The following FANCG variants were observed in gnomAD, a reference collection of about 807,000 sequenced individuals.
FANCG encodes the protein FA complementation group G, also known as Fanconi anemia group G protein.
FANCG carries 67 observed loss-of-function variants against 73.3 expected under a neutral mutation model. The observed-to-expected ratio is 0.91, with a 90% CI of 0.75 to 1.12. FANCG has a LOEUF of 1.12. Among genes scored for constraint, FANCG ranks in the 50% most tolerant of loss-of-function variants. The pLI is 0.00. For synonymous variants in FANCG, 297 were observed against 311.6 expected (o/e 0.95, Z 0.49); for missense variants, 643 against 735.6 (o/e 0.87, Z 1.46).
Position 35,076,481 on chromosome 9 carries a change from G to C in FANCG, c.1027C>G (p.Gln343Glu), listed in dbSNP as rs1829085768. ...GCTAGTATGTGCTTGGTCTGGCTCT[G>C]AGTGCCACAATGAAGGGGTGAGGCT... ...DLASPLHCGT[Q>E]SQTKHILASR... The change falls in exon 8 of 14, where the codon CAG becomes GAG. Residue 343 changes from glutamine to glutamate, a missense_variant. Coordinates refer to ENST00000378643, the MANE Select transcript of FANCG (RefSeq NM_004629.2). 2 of 1,614,182 alleles carry C rather than the reference G, an allele frequency of 1.2e-6. No homozygotes were observed. Among genetic ancestry groups the C allele is most frequent in the Non-Finnish European group, 1.7e-6 (2 of 1,180,028 alleles).
Position 35,078,608 on chromosome 9 carries a change from TCTCTAGGCTCCG to T in FANCG, c.292_303del (p.Ser99_Arg102del). On this transcript the variant is annotated inframe_deletion, in exon 3 of 14. Transcript: ENST00000378643. The stretch of plus-strand genomic sequence containing the variant: ...AGGGACAATCTCTGGCCCTCACCTC[TCTCTAGGCTCCG>T]CTGGATATCCTGGGCCTGATCCTCT... 6.2e-7 allele frequency: 1 copy of T among 1,614,086 alleles called. No homozygotes were observed. Among genetic ancestry groups the T allele is most frequent in the Non-Finnish European group, 8.5e-7 (1 of 1,180,028 alleles).
chr9:35,077,134 G>A (rs2131056779), intron 5 of FANCG, 33 bp from the exon 6 acceptor site: 1 of 1,614,182 alleles, frequency 6.2e-7, no homozygotes, highest in Non-Finnish European at 8.5e-7. Flanking sequence ...CTTGGAGAGG[G>A]CTATAGAGCA....
Position 35,079,657 on chromosome 9 carries a change from G to T in FANCG, c.-133C>A. On this transcript the variant is annotated 5_prime_UTR_variant, in exon 1 of 14. Coordinates refer to ENST00000378643, the MANE Select transcript of FANCG (RefSeq NM_004629.2). ...CGCCGAGCTCCCCTGCTTCTCTCGGGGTCCCAATCCACCCGCCCAGGCTTT... is the reference window on the plus strand; with the variant it reads ...CGCCGAGCTCCCCTGCTTCTCTCGGTGTCCCAATCCACCCGCCCAGGCTTT... The T allele has an allele frequency of 2.3e-6, 2 of 870,788 alleles. No individual in the cohort carries two copies. The highest frequency in any genetic ancestry group is 3.8e-6 in the Non-Finnish European group (2 of 532,652). The allele number at this position is 870,788 out of a possible 1,614,324, so 53.9% of individuals were successfully genotyped here.
intron 6 of FANCG, 21 bp from the exon 7 acceptor site, chr9:35,076,891 G>A (rs757538188): frequency 1.5e-5 from 24 of 1,614,044 alleles, no homozygotes; most frequent in African/African-American, 8.0e-5. Context: ...AGGAGGACAC[G>A]GGCCTCAGCT....
Position 35,077,140 on chromosome 9 carries a change from G to A in FANCG, c.647-39C>T, listed in dbSNP as rs1324557549. ...GGGTGTGAGCTTGGAGAGGGCTATA[G>A]AGCAGGGGTCATGATGGGGAACAAG... On this transcript the variant is annotated intron_variant, in intron 5 of 13. Coordinates refer to ENST00000378643, the MANE Select transcript of FANCG (RefSeq NM_004629.2). The A allele has an allele frequency of 2.5e-6, 4 of 1,614,158 alleles. No individual in the cohort carries two copies. In the African/African-American group the frequency reaches 4.0e-5, roughly 16 times the overall value.
chr9:35,076,307 G>C, intron 8 of FANCG, 125 bp downstream of exon 8: 2 of 1,151,716 alleles, frequency 1.7e-6, no homozygotes, highest in Non-Finnish European at 2.6e-6. Context: ...AGGCTGAGGA[G>C]TGGCGACCTA....
chr9:35,077,043 C>G lies in FANCG; in HGVS notation c.705G>C (p.Ala235=). 6.2e-7 allele frequency: 1 copy of G among 1,614,156 alleles called. No individual in the cohort carries two copies. ...CAGGCCGTGGACACAGGCCTGAGGC[C>G]GCTTCATGAAGGCTGCTTAGTGCCT... ...PDKALSSLHE[A]ASGLCPRPVL... The change falls in exon 6 of 14, where the codon GCG becomes GCC. Residue 235 remains alanine, a synonymous_variant. Transcript: ENST00000378643.
At chr9:35,078,057 T>C (rs1286701740) in intron 4 of FANCG, 84 bp downstream of exon 4, 2 of 1,340,242 alleles carry the variant, frequency 1.5e-6, no homozygotes, top group Non-Finnish European at 2.1e-6. Context: ...GCCTGTCCAG[T>C]ACATGATGAT....
rs532525154 is a variant in FANCG, at chr9:35,078,620, G to T, written c.292C>A (p.Arg98=). 1 of 1,614,146 alleles carries T rather than the reference G, an allele frequency of 6.2e-7. No individual in the cohort carries two copies. The highest frequency in any genetic ancestry group is 8.5e-7 in the Non-Finnish European group (1 of 1,180,016). ...TGGCCCTCACCTCTCTCTAGGCTCC[G>T]CTGGATATCCTGGGCCTGATCCTCT... ...FTEDQAQDIQ[R]SLERVLETQE... Residue 98 remains arginine, a synonymous_variant, in exon 3 of 14, where the codon CGG becomes AGG. Transcript: ENST00000378643.
chr9:35,075,641 C>T lies in FANCG; in HGVS notation c.1257G>A (p.Glu419=). 1 of 1,613,546 alleles carries T rather than the reference C, an allele frequency of 6.2e-7. No individual in the cohort carries two copies. Among genetic ancestry groups the T allele is most frequent in the Non-Finnish European group, 8.5e-7 (1 of 1,179,958 alleles). The change falls in exon 10 of 14, where the codon GAG becomes GAA. Residue 419 remains glutamate (E), a synonymous_variant. Coordinates refer to ENST00000378643, the MANE Select transcript of FANCG (RefSeq NM_004629.2). The part of the protein sequence containing the change: ...RAQDALTLCE[E]LLSRTSSLLP... ...GCAGAGATGATGTGCGGCTGAGCAA[C>T]TCCTCACATAGAGTCAAGGCATCTT... is the stretch of plus-strand genomic sequence containing the variant.
chr9:35,075,959 C>T lies in FANCG; in HGVS notation c.1143+3G>A. Reference sequence around the variant, plus strand: ...TTGCAGAGAAGCTTGAAGACACACCCACCCTTGGCTCCGAGCTATCCAGCA... The same window carrying T: ...TTGCAGAGAAGCTTGAAGACACACCTACCCTTGGCTCCGAGCTATCCAGCA... On this transcript the variant is annotated splice_donor_region_variant and intron_variant, in intron 9 of 13. Transcript: ENST00000378643. The T allele has an allele frequency of 2.5e-6, 4 of 1,614,140 alleles. No homozygotes were observed. The highest frequency in any genetic ancestry group is 3.4e-6 in the Non-Finnish European group (4 of 1,179,998).
In FANCG at chr9:35,073,942, C is replaced by T. The variant is rs190050556; in HGVS notation, c.*166G>A. 8.7e-6 allele frequency: 6 copies of T among 686,384 alleles called. No individual in the cohort carries two copies. Among genetic ancestry groups the T allele is most frequent in the Admixed American group, 8.3e-5 (4 of 47,976 alleles). 42.5% of individuals were successfully genotyped at this position (686,384 alleles called of 1,614,324 possible). On this transcript the variant is annotated 3_prime_UTR_variant, in exon 14 of 14. Transcript: ENST00000378643. ...GTGGCAGAGATTGTTTCCTCCAAAA[C>T]GAGAATGGTAGTAACTAGGGCAAAT... is the stretch of plus-strand genomic sequence containing the variant.
rs1278403889 is a variant in FANCG at position 35,075,012 on chromosome 9, T to G, written c.1551A>C (p.Leu517=). 1 of 1,614,190 alleles carries G rather than the reference T, an allele frequency of 6.2e-7. No homozygotes were observed. The highest frequency in any genetic ancestry group is 1.1e-5 in the South Asian group (1 of 91,084). Residue 517 remains leucine (L), a synonymous_variant, in exon 12 of 14, where the codon CTA becomes CTC. Transcript: ENST00000378643. ...CTACCCATTCCAGTCCACGACTAAT[T>G]AGGGCGGCTGCCCGAAGCTGCTGCA... ...AALQQLRAAA[L]ISRGLEWVAS... is the part of the protein sequence containing the mutation.
rs1181613285 is a variant in FANCG, at chr9:35,075,596, C to T, written c.1302G>A (p.Leu434=). 6.2e-7 allele frequency: 1 copy of T among 1,614,138 alleles called. No individual in the cohort carries two copies. The highest frequency in any genetic ancestry group is 1.7e-5 in the Admixed American group (1 of 60,020). Residue 434 remains leucine, a synonymous_variant, in exon 10 of 14, where the codon CTG becomes CTA. Coordinates refer to ENST00000378643, the MANE Select transcript of FANCG (RefSeq NM_004629.2). The stretch of plus-strand genomic sequence containing the variant: ...TGGTTCCTTTTCTGGCATCTTCCCA[C>T]AGCCGGGACATCTTGGGTAGCAGAG... The part of the protein sequence containing the change: ...TSSLLPKMSR[L]WEDARKGTKE...
Position 35,079,721 on chromosome 9 carries a change from G to T in FANCG, c.-197C>A. On this transcript the variant is annotated 5_prime_UTR_variant, in exon 1 of 14. Transcript: ENST00000378643. ...GACGCTCTCTCCCCGCGGCCCGCCGGGCTCTCAACCTCGCCTCTGGTTGGC... is the reference window on the plus strand; with the variant it reads ...GACGCTCTCTCCCCGCGGCCCGCCGTGCTCTCAACCTCGCCTCTGGTTGGC... 1 of 628,504 alleles carries T rather than the reference G, an allele frequency of 1.6e-6. No individual in the cohort carries two copies. The highest frequency in any genetic ancestry group is 1.8e-5 in the South Asian group (1 of 56,302). 38.9% of individuals were successfully genotyped at this position (628,504 alleles called of 1,614,324 possible).
At chr9:35,074,816 T>A in intron 12 of FANCG, 111 bp downstream of exon 12, 1 of 1,366,766 alleles carries the variant, frequency 7.3e-7, no homozygotes, top group South Asian at 1.2e-5. Context: ...ACAACCCCAA[T>A]CACCCCTCCT....
rs1285361340 is a variant in FANCG, at chr9:35,075,752, G to A, written c.1146C>T (p.Phe382=). 2.1e-6 allele frequency: 2 copies of A among 934,596 alleles called. No homozygotes were observed. The highest frequency in any genetic ancestry group is 2.4e-5 in the East Asian group (1 of 41,078). 57.9% of individuals were successfully genotyped at this position (934,596 alleles called of 1,614,324 possible). A position where few individuals can be genotyped will look rare whatever the true frequency, so the allele number is the denominator to read the frequency against. ...ALLLDSSEPR[F]SPPPSPPGPC... is the part of the protein sequence containing the mutation. ...GCCCTGGAGGGGAGGGGGGTGGGGA[G>A]AACTGGAGTGGGAAGAAGAAGCAGT... Residue 382 remains phenylalanine, a splice_region_variant and synonymous_variant, in exon 10 of 14, where the codon TTC becomes TTT. Coordinates refer to ENST00000378643, the MANE Select transcript of FANCG (RefSeq NM_004629.2).
chr9:35,075,923 C>A (rs763125734), intron 9 of FANCG, 39 bp downstream of exon 9: 2 of 1,607,742 alleles, frequency 1.2e-6, no homozygotes, highest in East Asian at 4.5e-5. Context: ...GACACCAACC[C>A]GTCTACCCCA....
At position 35,074,443 on chromosome 9, in the gene FANCG, C is replaced by T. The variant is rs1309056736; in HGVS notation, c.1688G>A (p.Arg563Gln). The T allele has an allele frequency of 9.9e-6, 16 of 1,614,064 alleles. No individual in the cohort carries two copies. Among genetic ancestry groups the T allele is most frequent in the South Asian group, 3.3e-5 (3 of 91,082 alleles). Reference protein sequence around the residue: ...HLLQTLKRLDRRDEATALWWR... With the variant: ...HLLQTLKRLDQRDEATALWWR... ...CCAGAGTGCAGTGGCCTCATCCCTC[C>T]GATCTAGCCTCTTCAGAGTCTGAAG... The change falls in exon 13 of 14, where the codon CGG becomes CAG. Residue 563 changes from arginine to glutamine, a missense_variant. By Grantham distance (43) the Arg-to-Gln change is conservative (BLOSUM62 1). Coordinates refer to ENST00000378643, the MANE Select transcript of FANCG (RefSeq NM_004629.2).
Sources: gnomAD v4.1 joint callset for allele counts on GRCh38, gnomAD v4.1.1 for gene constraint, MANE v1.5 for transcripts, NCBI Gene and HGNC (gene_info 2026-07-23, HGNC 2026-07-21) for gene names.